Variants in ARK2C observed in about 807,000 individuals in gnomAD.
ARK2C encodes E3 ubiquitin-protein ligase ARK2C.
At chr18:46,436,405 C>A in the ARK2C span, among the ~76,000 whole-genome samples, 1 of 152,058 alleles carries the variant, frequency 6.6e-6, no homozygotes, top group Admixed American at 6.5e-5. Context: ...TACAGGAATT[C>A]TTTATGCTGT....
chr18:46,410,239 G>A, the ARK2C span, among the ~76,000 whole-genome samples: 4 of 152,174 alleles, frequency 2.6e-5, no homozygotes, highest in African/African-American at 9.7e-5. Context: ...CCTCAGCTCT[G>A]CTGCTTCCTC....
chr18:46,377,160 A>G, the ARK2C span, among the ~76,000 whole-genome samples: 1 of 152,224 alleles, frequency 6.6e-6, no homozygotes, highest in African/African-American at 2.4e-5. Flanking sequence ...AATTGCAAAT[A>G]TATTCATATG....
the ARK2C span, among the ~76,000 whole-genome samples, chr18:46,418,346 G>A: frequency 6.6e-6 from 1 of 152,214 alleles, no homozygotes; most frequent in South Asian, 2.1e-4. Flanking sequence ...GACAGGGCAA[G>A]ACACTGTCTC....
the ARK2C span, among the ~76,000 whole-genome samples, chr18:46,338,895 C>A: frequency 5.6e-4 from 86 of 152,328 alleles, no homozygotes; most frequent in African/African-American, 1.8e-3. Context: ...CTGCTCCTCG[C>A]TGGCGGGTGC....
At chr18:46,425,056 C>T in the ARK2C span, among the ~76,000 whole-genome samples, 3 of 152,202 alleles carry the variant, frequency 2.0e-5, no homozygotes, top group Non-Finnish European at 2.9e-5. Flanking sequence ...GAGGGAGTCT[C>T]GGGCCTTCCC....
the ARK2C span, among the ~76,000 whole-genome samples, chr18:46,440,869 T>A: frequency 2.0e-5 from 3 of 152,218 alleles, no homozygotes; most frequent in Non-Finnish European, 2.9e-5. Context: ...GGGTTTTTTT[T>A]TTCCTTGAAA....
At chr18:46,426,385 C>T in the ARK2C span, among the ~76,000 whole-genome samples, 1 of 152,218 alleles carries the variant, frequency 6.6e-6, no homozygotes, top group Non-Finnish European at 1.5e-5. Flanking sequence ...TTTCCCTCCC[C>T]TATGGGTTCT....
the ARK2C span, among the ~76,000 whole-genome samples, chr18:46,356,971 A>G: frequency 2.0e-5 from 3 of 152,276 alleles, no homozygotes; most frequent in South Asian, 4.2e-4. Flanking sequence ...CAGGTGGGGG[A>G]CAAGTGGCTT....
chr18:46,401,981 C>T, the ARK2C span, among the ~76,000 whole-genome samples: 7 of 152,178 alleles, frequency 4.6e-5, no homozygotes, highest in South Asian at 1.2e-3. Flanking sequence ...ATTCAGAAAA[C>T]CTCTCCTCAC....
chr18:46,411,052 C>T, the ARK2C span, among the ~76,000 whole-genome samples: 1 of 152,212 alleles, frequency 6.6e-6, no homozygotes, highest in South Asian at 2.1e-4. Context: ...GTGTCATAGA[C>T]AAGGCAGGTA....
At chr18:46,407,627 C>T in the ARK2C span, among the ~76,000 whole-genome samples, 120 of 152,250 alleles carry the variant, frequency 7.9e-4, no homozygotes, top group African/African-American at 2.7e-3. Context: ...TATTTCCAGA[C>T]CTGAGACTCC....
At chr18:46,411,841 T>C in the ARK2C span, among the ~76,000 whole-genome samples, 5 of 152,182 alleles carry the variant, frequency 3.3e-5, no homozygotes, top group African/African-American at 1.2e-4. Context: ...CTGAGCCGTG[T>C]ATGTGTGATC....
the ARK2C span, among the ~76,000 whole-genome samples, chr18:46,405,457 G>A: frequency 6.6e-6 from 1 of 152,220 alleles, no homozygotes; most frequent in African/African-American, 2.4e-5. Flanking sequence ...GCAGGGACAG[G>A]AGGGCTGCAG....
chr18:46,440,029 C>T, the ARK2C span, among the ~76,000 whole-genome samples: 1 of 152,144 alleles, frequency 6.6e-6, no homozygotes, highest in African/African-American at 2.4e-5. Flanking sequence ...AGGGTTTCAC[C>T]ATGTTGGCCA....
the ARK2C span, among the ~76,000 whole-genome samples, chr18:46,448,493 C>T: frequency 6.6e-6 from 1 of 152,196 alleles, no homozygotes; most frequent in African/African-American, 2.4e-5. Context: ...GGGCTAAGAT[C>T]AGGCAGAGTA....
chr18:46,386,992 C>G, the ARK2C span: 2 of 152,286 alleles, frequency 1.3e-5, no homozygotes, highest in Admixed American at 1.3e-4. Context: ...GCTGCTGAAC[C>G]AGGCACTTGG....
At chr18:46,400,771 G>A in the ARK2C span, among the ~76,000 whole-genome samples, 2 of 152,230 alleles carry the variant, frequency 1.3e-5, no homozygotes, top group African/African-American at 2.4e-5. Context: ...CAGTAGCCCC[G>A]TCACTGTGCT....
At chr18:46,343,781 C>T in the ARK2C span, among the ~76,000 whole-genome samples, 357 of 152,294 alleles carry the variant, frequency 2.3e-3, no homozygotes, top group African/African-American at 7.9e-3. Context: ...TCAGTAGGCA[C>T]GTGAACTTCC....
chr18:46,371,299 C>G, the ARK2C span, among the ~76,000 whole-genome samples: 5 of 152,078 alleles, frequency 3.3e-5, no homozygotes, highest in African/African-American at 9.7e-5. Flanking sequence ...TCAGGGGAGA[C>G]AGGAGCCTAG....
Sources: gnomAD v4.1 joint callset for allele counts (sites outside exome capture counted in the v4.1 genomes callset) on GRCh38, gnomAD v4.1.1 for gene constraint, MANE v1.5 for transcripts, NCBI Gene and HGNC (gene_info 2026-07-23, HGNC 2026-07-21) for gene names.